Variants in ADAMTS18 observed in about 807,000 individuals in gnomAD.
ADAMTS18 encodes A disintegrin and metalloproteinase with thrombospondin motifs 18.
Under a neutral mutation model 165.9 loss-of-function variants are expected in ADAMTS18, and 157 were observed. The observed-to-expected ratio is 0.95, with a 90% CI of 0.83 to 1.08. ADAMTS18 has a LOEUF of 1.08. ADAMTS18 is among the 50% of genes least tolerant of loss of function. The pLI is 0.00. For synonymous variants in ADAMTS18, 782 were observed against 578.2 expected, an observed-to-expected ratio of 1.35 and a Z score of -5.06; for missense variants, 2,040 against 1,534.0, an observed-to-expected ratio of 1.33 and a Z score of -5.51.
intron 2 of ADAMTS18, among the ~76,000 whole-genome samples, chr16:77,433,095 C>T (rs1225792360): frequency 6.6e-6 from 1 of 152,186 alleles, no homozygotes; most frequent in African/African-American, 2.4e-5. Context: ...TTTTTCTTCT[C>T]TTAAAAATCT....
chr16:77,370,487 C>T (rs1295362179), intron 3 of ADAMTS18, among the ~76,000 whole-genome samples: 1 of 152,160 alleles, frequency 6.6e-6, no homozygotes, highest in East Asian at 1.9e-4. Context: ...CAGTGGCTCA[C>T]ACCTGTAATC....
intron 3 of ADAMTS18, among the ~76,000 whole-genome samples, chr16:77,390,667 G>A (rs1338694955): frequency 1.3e-5 from 2 of 150,798 alleles, no homozygotes; most frequent in Non-Finnish European, 2.9e-5. Context: ...TTCAGCCTGG[G>A]TGACAGAGCA....
intron 12 of ADAMTS18, among the ~76,000 whole-genome samples, chr16:77,327,209 T>G (rs1277136230): frequency 6.6e-6 from 1 of 152,188 alleles, no homozygotes; most frequent in African/African-American, 2.4e-5. Context: ...TTGATTTTTT[T>G]ATTTCAATAG....
intron 9 of ADAMTS18, among the ~76,000 whole-genome samples, 186 bp from the exon 10 acceptor site, chr16:77,354,072 C>T (rs2056594718): frequency 6.6e-6 from 1 of 152,146 alleles, no homozygotes; most frequent in African/African-American, 2.4e-5. Context: ...ATGGAATGTA[C>T]ACAGCCAGGA....
chr16:77,345,759 A>G (rs777703026), intron 10 of ADAMTS18, among the ~76,000 whole-genome samples: 1 of 152,192 alleles, frequency 6.6e-6, no homozygotes, highest in Non-Finnish European at 1.5e-5. Flanking sequence ...GATAACAGAG[A>G]ACATTTGCAT....
intron 3 of ADAMTS18, among the ~76,000 whole-genome samples, chr16:77,416,645 AC>A (rs1176268199): frequency 6.6e-6 from 1 of 151,796 alleles, no homozygotes; most frequent in African/African-American, 2.4e-5. Flanking sequence ...AATCCATTAA[AC>A]CTCTTTCCTT....
chr16:77,325,659 A>G (rs1474991519), intron 13 of ADAMTS18, among the ~76,000 whole-genome samples: 3 of 150,696 alleles, frequency 2.0e-5, no homozygotes, highest in South Asian at 2.1e-4. Flanking sequence ...TGTGGGAGAC[A>G]AGAGGTATCT....
intron 3 of ADAMTS18, among the ~76,000 whole-genome samples, chr16:77,384,343 A>G (rs1321136338): frequency 6.6e-6 from 1 of 152,162 alleles, no homozygotes; most frequent in Non-Finnish European, 1.5e-5. Flanking sequence ...CACAGCACAT[A>G]TCAAGGAAAC....
At chr16:77,373,509 C>T (rs187922092) in intron 3 of ADAMTS18, among the ~76,000 whole-genome samples, 34 of 151,434 alleles carry the variant, frequency 2.2e-4, no homozygotes, top group Middle Eastern at 6.8e-3. Context: ...AAAAGTTATC[C>T]TCTCTCATGC....
chr16:77,385,382 T>C (rs956438617), intron 3 of ADAMTS18, among the ~76,000 whole-genome samples: 2 of 152,232 alleles, frequency 1.3e-5, no homozygotes, highest in African/African-American at 2.4e-5. Context: ...TGAGAAGGAA[T>C]AGTTGACTTG....
In ADAMTS18 at chr16:77,345,351, T is replaced by TA. The variant is rs1464531380; in HGVS notation, c.1615-3553dup. On this transcript the variant is annotated intron_variant, in intron 10 of 22. Coordinates refer to ENST00000282849, the MANE Select transcript of ADAMTS18 (RefSeq NM_199355.4). ...ACCTCTATATTCCCATTGGTTCTGGTAAAAAATCCTAGAGTCATCTTTGAC... is the reference window on the plus strand; with the variant it reads ...ACCTCTATATTCCCATTGGTTCTGGTAAAAAAATCCTAGAGTCATCTTTGAC... Among the ~76,000 whole-genome samples the TA allele has an allele frequency of 3.3e-5, 5 of 152,198 alleles. No individual in the cohort carries two copies. In the East Asian group the frequency reaches 5.8e-4, roughly 18 times the overall value.
At chr16:77,329,112 T>A (rs1374728892) in intron 12 of ADAMTS18, among the ~76,000 whole-genome samples, 5 of 152,146 alleles carry the variant, frequency 3.3e-5, no homozygotes, top group Admixed American at 3.3e-4. Context: ...CTCTTTTTTT[T>A]TTTTTAATTT....
At position 77,378,350 on chromosome 16, in the gene ADAMTS18, CA is replaced by C. The variant is rs142010133; in HGVS notation, c.496-10628del. Among the ~76,000 whole-genome samples, 253 of 105,602 alleles carry C rather than the reference CA, an allele frequency of 2.4e-3. 1 individual carries two copies. Among genetic ancestry groups the C allele is most frequent in the African/African-American group, 7.2e-3 (212 of 29,408 alleles). 69.3% of individuals were successfully genotyped at this position (105,602 alleles called of 152,430 possible). A position where few individuals can be genotyped will look rare whatever the true frequency, so the allele number is the denominator to read the frequency against. On this transcript the variant is annotated intron_variant, in intron 3 of 22. Transcript: ENST00000282849. The stretch of plus-strand genomic sequence containing the variant: ...AAACAAAAACAAAAACAAAAAAAAA[CA>C]AAAAAAAAAAAAACCAAGCCCTTTA...
chr16:77,399,048 C>G (rs2057294226), intron 3 of ADAMTS18, among the ~76,000 whole-genome samples: 1 of 152,168 alleles, frequency 6.6e-6, no homozygotes, highest in African/African-American at 2.4e-5. Flanking sequence ...TTCTTGCAGG[C>G]CAAAAGGAAC....
At chr16:77,345,475 G>C (rs1418855373) in intron 10 of ADAMTS18, among the ~76,000 whole-genome samples, 1 of 152,018 alleles carries the variant, frequency 6.6e-6, no homozygotes, top group Non-Finnish European at 1.5e-5. Context: ...GAACAATTAT[G>C]GCCACCTTCC....
intron 13 of ADAMTS18, among the ~76,000 whole-genome samples, 187 bp downstream of exon 13, chr16:77,325,679 A>G (rs375585437): frequency 0.065 from 6,929 of 106,120 alleles, 377 homozygotes; most frequent in African/African-American, 0.21. Context: ...TTATAGGGGG[A>G]AAAAAAAAAA....
chr16:77,324,661 A>G (rs1287077404), intron 13 of ADAMTS18, among the ~76,000 whole-genome samples: 1 of 152,166 alleles, frequency 6.6e-6, no homozygotes, highest in East Asian at 1.9e-4. Flanking sequence ...AATATGAAGG[A>G]AGAATATGTT....
At chr16:77,343,206 T>C (rs2056426113) in intron 10 of ADAMTS18, among the ~76,000 whole-genome samples, 1 of 151,904 alleles carries the variant, frequency 6.6e-6, no homozygotes, top group Non-Finnish European at 1.5e-5. Flanking sequence ...CCTGAGTAAC[T>C]GGGATTACAA....
At chr16:77,357,417 C>T (rs1419955287) in intron 8 of ADAMTS18, among the ~76,000 whole-genome samples, 5 of 152,236 alleles carry the variant, frequency 3.3e-5, no homozygotes, top group Middle Eastern at 3.4e-3. Context: ...ATTTTCTTAT[C>T]CTCAGCTTTT....
Sources: gnomAD v4.1 joint callset for allele counts (sites outside exome capture counted in the v4.1 genomes callset) on GRCh38, gnomAD v4.1.1 for gene constraint, MANE v1.5 for transcripts, NCBI Gene and HGNC (gene_info 2026-07-23, HGNC 2026-07-21) for gene names.